The following SLC15A5 variants were observed in gnomAD, a reference collection of about 807,000 sequenced individuals.
SLC15A5 encodes solute carrier family 15 member 5.
Under a neutral mutation model 56.1 loss-of-function variants are expected in SLC15A5, and 58 were observed. The ratio of observed to expected loss-of-function variants is 1.03; its 90% confidence interval spans 0.84 to 1.29. The LOEUF is 1.29. Among genes scored for constraint, SLC15A5 ranks in the 50% most tolerant of loss-of-function variants. SLC15A5 has a pLI of 0.00. For synonymous variants in SLC15A5, 264 were observed against 250.5 expected, an observed-to-expected ratio of 1.05 and a Z score of -0.51; for missense variants, 681 against 672.1, an observed-to-expected ratio of 1.01 and a Z score of -0.15.
chr12:16,207,859 G>A (rs1196797763), intron 7 of SLC15A5, among the ~76,000 whole-genome samples: 2 of 152,116 alleles, frequency 1.3e-5, no homozygotes, highest in Non-Finnish European at 2.9e-5. Flanking sequence ...CACCATGTTG[G>A]CCAGGCTGGT....
At chr12:16,250,869 T>A (rs1006050409) in intron 3 of SLC15A5, among the ~76,000 whole-genome samples, 1 of 151,808 alleles carries the variant, frequency 6.6e-6, no homozygotes. Flanking sequence ...AGGGAGAATA[T>A]TGAAGAATTT....
At chr12:16,277,199 C>T (rs1046820631) in intron 1 of SLC15A5, 126 bp downstream of exon 1, 1 of 928,648 alleles carries the variant, frequency 1.1e-6, no homozygotes, top group African/African-American at 1.7e-5. Context: ...TACATTGAAC[C>T]CACATTCTTA....
intron 7 of SLC15A5, among the ~76,000 whole-genome samples, chr12:16,205,307 AT>A (rs1864003573): frequency 6.6e-6 from 1 of 151,828 alleles, no homozygotes; most frequent in Non-Finnish European, 1.5e-5. Flanking sequence ...TCATTTCACA[AT>A]GACACATAAT....
chr12:16,251,779 C>A (rs1484239826), intron 3 of SLC15A5, among the ~76,000 whole-genome samples: 1 of 80,882 alleles, frequency 1.2e-5, no homozygotes, highest in Admixed American at 1.6e-4. Flanking sequence ...TTCAACTCTT[C>A]CAAAGACTCT....
intron 2 of SLC15A5, among the ~76,000 whole-genome samples, chr12:16,265,929 G>A (rs1591661134): frequency 1.3e-5 from 2 of 152,018 alleles, no homozygotes; most frequent in Non-Finnish European, 2.9e-5. Context: ...CACAGTACTA[G>A]GTTCAAAATA....
At chr12:16,229,363 T>A (rs776199527) in intron 5 of SLC15A5, among the ~76,000 whole-genome samples, 2 of 152,142 alleles carry the variant, frequency 1.3e-5, no homozygotes, top group Non-Finnish European at 2.9e-5. Context: ...CTTTTCCATC[T>A]TAGGGACTTT....
intron 8 of SLC15A5, among the ~76,000 whole-genome samples, chr12:16,190,691 G>T (rs1350823444): frequency 1.3e-5 from 2 of 151,884 alleles, no homozygotes; most frequent in Non-Finnish European, 2.9e-5. Context: ...GATTTGTGAA[G>T]GTTTCAAAAG....
chr12:16,255,420 A>G (rs1864561445), intron 3 of SLC15A5, among the ~76,000 whole-genome samples: 1 of 152,164 alleles, frequency 6.6e-6, no homozygotes, highest in South Asian at 2.1e-4. Context: ...CAAATTGGCA[A>G]AAATCCCAAA....
At position 16,243,429 on chromosome 12, in the gene SLC15A5, G is replaced by A. The variant is rs1263786192; in HGVS notation, c.975+1151C>T. 1.3e-5 allele frequency among the ~76,000 whole-genome samples: 2 copies of A among 151,988 alleles called. No homozygotes were observed. The highest frequency in any genetic ancestry group is 2.9e-5 in the Non-Finnish European group (2 of 68,004). On this transcript the variant is annotated intron_variant, in intron 4 of 8. Coordinates refer to ENST00000344941, the MANE Select transcript of SLC15A5 (RefSeq NM_001170798.1). This position sits in a 1 kb window ranked among gnomAD's most constrained non-coding sequence, Gnocchi z 4.4. ...TCTCCATTTTGGTAAAGCTGGTTTCGAATTCCCGATCTCAGGTAATCTGCC... is the reference window on the plus strand; with the variant it reads ...TCTCCATTTTGGTAAAGCTGGTTTCAAATTCCCGATCTCAGGTAATCTGCC...
chr12:16,241,593 C>T (rs1225421270), intron 4 of SLC15A5, among the ~76,000 whole-genome samples: 2 of 152,114 alleles, frequency 1.3e-5, no homozygotes, highest in African/African-American at 4.8e-5. Flanking sequence ...GTACAGATGG[C>T]AAGAGTTAAA....
chr12:16,194,236 A>G (rs539781767), intron 8 of SLC15A5, 109 bp downstream of exon 8: 38 of 610,552 alleles, frequency 6.2e-5, no homozygotes, highest in African/African-American at 5.2e-4. Flanking sequence ...TTGCTCTAAT[A>G]TTCTAATTTG....
intron 7 of SLC15A5, among the ~76,000 whole-genome samples, chr12:16,215,526 C>T (rs758194334): frequency 3.3e-5 from 5 of 152,142 alleles, no homozygotes; most frequent in Non-Finnish European, 7.4e-5. Context: ...TCTTACAAAA[C>T]CTTAATGCCA....
intron 5 of SLC15A5, among the ~76,000 whole-genome samples, chr12:16,238,871 C>A (rs1375056306): frequency 6.6e-6 from 1 of 152,154 alleles, no homozygotes; most frequent in Non-Finnish European, 1.5e-5. Flanking sequence ...AGAGCTTTTG[C>A]TATGTGTCTG....
intron 5 of SLC15A5, among the ~76,000 whole-genome samples, chr12:16,233,855 T>C (rs1021714934): frequency 6.6e-6 from 1 of 152,192 alleles, no homozygotes; most frequent in African/African-American, 2.4e-5. Flanking sequence ...ATGATTCTTA[T>C]ACAAATTAAA....
rs1864763113 is a variant in SLC15A5, at chr12:16,271,941, T to C, written c.584+620A>G. Among the ~76,000 whole-genome samples, 1 of 152,188 alleles carries C rather than the reference T, an allele frequency of 6.6e-6. No homozygotes were observed. Among genetic ancestry groups the C allele is most frequent in the African/African-American group, 2.4e-5 (1 of 41,458 alleles). On this transcript the variant is annotated intron_variant, in intron 2 of 8. Coordinates refer to ENST00000344941, the MANE Select transcript of SLC15A5 (RefSeq NM_001170798.1). This position sits in a 1 kb window ranked among gnomAD's most constrained non-coding sequence, Gnocchi z 8.0. ...ACTCTTTTAGGTGTTGGGAGCGAAC[T>C]GGGTGAGAAACAGAGATGCTGGGTG... is the stretch of plus-strand genomic sequence containing the variant.
chr12:16,244,113 GGAGA>G (rs1864438892), intron 4 of SLC15A5, among the ~76,000 whole-genome samples: 3 of 152,108 alleles, frequency 2.0e-5, no homozygotes, highest in African/African-American at 7.2e-5. Context: ...GAGTGGGTGG[GGAGA>G]GAATCACTTG....
chr12:16,277,219 T>C (rs1227361808), intron 1 of SLC15A5, 106 bp downstream of exon 1: 2 of 1,124,736 alleles, frequency 1.8e-6, no homozygotes, highest in African/African-American at 1.6e-5. Flanking sequence ...ACTTCATTTA[T>C]CACATTTTAT....
intron 5 of SLC15A5, among the ~76,000 whole-genome samples, chr12:16,229,220 C>T (rs991844362): frequency 2.0e-5 from 3 of 152,170 alleles, no homozygotes; most frequent in East Asian, 1.9e-4. Context: ...AGAAGAAATC[C>T]GTAACTTTTA....
rs192330484 is a variant in SLC15A5 at position 16,207,986 on chromosome 12, C to T, written c.1483+8907G>A. Among the ~76,000 whole-genome samples, 512 of 152,146 alleles carry T rather than the reference C, an allele frequency of 3.4e-3. 5 individuals are homozygous for T. Among genetic ancestry groups the T allele is most frequent in the Middle Eastern group, 0.017 (5 of 294 alleles). ...CGATCTTAACACTTGTCTTCTAAAT[C>T]ATCTTTTCATACCTTCATAATAAGT... On this transcript the variant is annotated intron_variant, in intron 7 of 8. Coordinates refer to ENST00000344941, the MANE Select transcript of SLC15A5 (RefSeq NM_001170798.1).
Sources: gnomAD v4.1 joint callset for allele counts (sites outside exome capture counted in the v4.1 genomes callset) on GRCh38, gnomAD v4.1.1 for gene constraint, Gnocchi (gnomAD v3.1) non-coding constraint, MANE v1.5 for transcripts, NCBI Gene and HGNC (gene_info 2026-07-23, HGNC 2026-07-21) for gene names.